Variants in SGCZ observed in about 807,000 individuals in gnomAD.
SGCZ encodes zeta-sarcoglycan.
In SGCZ, 40 loss-of-function variants were observed where a neutral mutation model predicts 41.3. The ratio of observed to expected loss-of-function variants is 0.97; its 90% confidence interval spans 0.75 to 1.26. The LOEUF (loss-of-function observed/expected upper bound fraction) is 1.26, where lower values mean the gene tolerates loss of function less well. Ranked by LOEUF, SGCZ falls within the 50% of genes most tolerant of loss-of-function variation. The pLI, the probability that SGCZ is intolerant of heterozygous loss-of-function variation, is 0.00. For missense variants in SGCZ, 552 were observed against 369.8 expected (o/e 1.49, Z -4.04); for synonymous variants, 206 against 137.5 (o/e 1.50, Z -3.49).
At chr8:15,150,118 G>A (rs1219585681) in intron 1 of SGCZ, among the ~76,000 whole-genome samples, 7 of 152,092 alleles carry the variant, frequency 4.6e-5, no homozygotes, top group Admixed American at 3.9e-4. Flanking sequence ...GGATTTTTGA[G>A]CGATTTTCAT....
chr8:14,234,827 A>G (rs1463446842), intron 4 of SGCZ, among the ~76,000 whole-genome samples: 1 of 152,174 alleles, frequency 6.6e-6, no homozygotes, highest in Non-Finnish European at 1.5e-5. Context: ...TTATTCTTAC[A>G]TAATTGAAGA....
intron 1 of SGCZ, among the ~76,000 whole-genome samples, chr8:15,044,588 T>G (rs1443283880): frequency 6.6e-6 from 1 of 152,134 alleles, no homozygotes; most frequent in Non-Finnish European, 1.5e-5. Context: ...TTATTAGGAT[T>G]GTGTAAGATG....
At chr8:14,353,857 T>C (rs1222390907) in intron 2 of SGCZ, among the ~76,000 whole-genome samples, 1 of 152,082 alleles carries the variant, frequency 6.6e-6, no homozygotes, top group Non-Finnish European at 1.5e-5. Flanking sequence ...TAACCTTGAT[T>C]TCATTATGTT....
At chr8:15,202,827 C>G (rs537079749) in intron 1 of SGCZ, among the ~76,000 whole-genome samples, 3 of 152,074 alleles carry the variant, frequency 2.0e-5, no homozygotes, top group African/African-American at 7.2e-5. Context: ...TAAGACAAAC[C>G]TGGCCGGGCC....
At chr8:14,703,464 G>A (rs1012451979) in intron 1 of SGCZ, among the ~76,000 whole-genome samples, 48 of 151,830 alleles carry the variant, frequency 3.2e-4, no homozygotes, top group Non-Finnish European at 2.5e-4. Flanking sequence ...AGAATCTAGG[G>A]AGTCACTGTC....
chr8:14,928,988 TTTAC>T (rs1182952220), intron 1 of SGCZ, among the ~76,000 whole-genome samples: 1 of 152,010 alleles, frequency 6.6e-6, no homozygotes, highest in Non-Finnish European at 1.5e-5. Flanking sequence ...TATTTATTTA[TTTAC>T]TTACTTATTT....
At chr8:14,387,366 G>C (rs1322646831) in intron 2 of SGCZ, among the ~76,000 whole-genome samples, 1 of 151,990 alleles carries the variant, frequency 6.6e-6, no homozygotes, top group Non-Finnish European at 1.5e-5. Context: ...GTATGTTTCT[G>C]AACAAAAAAC....
intron 1 of SGCZ, among the ~76,000 whole-genome samples, chr8:14,866,613 C>T (rs1286179737): frequency 1.3e-5 from 2 of 151,854 alleles, no homozygotes; most frequent in African/African-American, 4.8e-5. Flanking sequence ...AGTTTGAGAC[C>T]AGCCTGGGCA....
At chr8:14,456,961 T>C (rs1309622267) in intron 2 of SGCZ, among the ~76,000 whole-genome samples, 4 of 152,194 alleles carry the variant, frequency 2.6e-5, no homozygotes, top group African/African-American at 9.6e-5. Flanking sequence ...TCTGCCATGA[T>C]TGTAAGCCTT....
intron 1 of SGCZ, among the ~76,000 whole-genome samples, chr8:14,566,962 C>T (rs147904626): frequency 0.02 from 3,068 of 152,304 alleles, 95 homozygotes; most frequent in African/African-American, 0.069. Flanking sequence ...CGGCCCCGGG[C>T]AGTGAAGGGC....
chr8:14,161,901 AC>A (rs1354931148), intron 5 of SGCZ, among the ~76,000 whole-genome samples: 4 of 152,208 alleles, frequency 2.6e-5, no homozygotes, highest in Non-Finnish European at 5.9e-5. Flanking sequence ...ACACATAGAC[AC>A]ATTTTACACA....
At chr8:14,459,962 A>C (rs1800855441) in intron 2 of SGCZ, among the ~76,000 whole-genome samples, 1 of 152,146 alleles carries the variant, frequency 6.6e-6, no homozygotes, top group African/African-American at 2.4e-5. Context: ...CAGAAGACTG[A>C]GACACAACTA....
chr8:14,652,179 T>G, intron 1 of SGCZ, among the ~76,000 whole-genome samples: 1 of 151,750 alleles, frequency 6.6e-6, no homozygotes, highest in East Asian at 1.9e-4. Flanking sequence ...CTGTCTCTAC[T>G]GAAAATACAA....
At chr8:14,101,542 G>GA (rs1199483878) in intron 7 of SGCZ, among the ~76,000 whole-genome samples, 5 of 152,120 alleles carry the variant, frequency 3.3e-5, no homozygotes, top group Admixed American at 2.6e-4. Context: ...GACAGCAGGA[G>GA]AAAAAATAAA....
At chr8:14,841,457 G>T (rs540775901) in intron 1 of SGCZ, among the ~76,000 whole-genome samples, 2 of 152,274 alleles carry the variant, frequency 1.3e-5, no homozygotes, top group Admixed American at 1.3e-4. Context: ...TCCTTTCTGA[G>T]AATCTTACTC....
At chr8:14,256,743 C>A (rs1303247619) in intron 3 of SGCZ, among the ~76,000 whole-genome samples, 5 of 152,142 alleles carry the variant, frequency 3.3e-5, no homozygotes, top group East Asian at 1.9e-4. Context: ...TGTCTCATTT[C>A]TCAATTACAT....
At chr8:14,594,394 T>A (rs554756047) in intron 1 of SGCZ, among the ~76,000 whole-genome samples, 1 of 151,936 alleles carries the variant, frequency 6.6e-6, no homozygotes, top group Admixed American at 6.6e-5. Flanking sequence ...AACTGGAAGA[T>A]CTGGGTTCAT....
Position 15,171,606 on chromosome 8 carries a change from A to T in SGCZ, c.39+65979T>A, listed in dbSNP as rs547580186. Reference sequence around the variant, plus strand: ...ATTAAGTTCAGATTTCTCTGCAGCCATAAAGTTTATTCCTATGAATTAGAA... The same window carrying T: ...ATTAAGTTCAGATTTCTCTGCAGCCTTAAAGTTTATTCCTATGAATTAGAA... On this transcript the variant is annotated intron_variant, in intron 1 of 7. Transcript: ENST00000382080. Among the ~76,000 whole-genome samples the T allele has an allele frequency of 3.9e-5, 6 of 152,358 alleles. No individual in the cohort carries two copies. The South Asian group carries it at 8.3e-4, about 21-fold the overall frequency.
intron 2 of SGCZ, among the ~76,000 whole-genome samples, chr8:14,508,453 T>C (rs772047354): frequency 8.5e-5 from 13 of 152,200 alleles, no homozygotes; most frequent in Non-Finnish European, 1.9e-4. Flanking sequence ...CCACCTGCCA[T>C]GACTGGGACC....
Sources: gnomAD v4.1 joint callset for allele counts (sites outside exome capture counted in the v4.1 genomes callset) on GRCh38, gnomAD v4.1.1 for gene constraint, MANE v1.5 for transcripts, NCBI Gene and HGNC (gene_info 2026-07-23, HGNC 2026-07-21) for gene names.